JAKMIP2: variants seen among roughly 807,000 people sequenced by gnomAD.
JAKMIP2 encodes the protein janus kinase and microtubule interacting protein 2.
A neutral mutation model predicts 115.0 loss-of-function variants in JAKMIP2; 25 were observed. The observed-to-expected ratio is 0.22, with a 90% CI of 0.16 to 0.30. JAKMIP2 has a LOEUF of 0.30. Ranked by LOEUF, JAKMIP2 falls within the 10% of genes least tolerant of loss-of-function variation. JAKMIP2 has a pLI of 1.00. For missense variants in JAKMIP2, 642 were observed against 957.6 expected, an observed-to-expected ratio of 0.67 and a Z score of 4.35; for synonymous variants, 334 against 343.6, an observed-to-expected ratio of 0.97 and a Z score of 0.31.
intron 1 of JAKMIP2, among the ~76,000 whole-genome samples, chr5:147,769,614 A>G (rs1254722794): frequency 6.6e-6 from 1 of 152,138 alleles, no homozygotes; most frequent in African/African-American, 2.4e-5. Flanking sequence ...TAGTTTTTAA[A>G]GAAATTAGGT....
intron 1 of JAKMIP2, among the ~76,000 whole-genome samples, chr5:147,781,389 C>T (rs1318732085): frequency 1.3e-5 from 2 of 152,156 alleles, no homozygotes; most frequent in East Asian, 3.9e-4. Flanking sequence ...AGCTGTGCTT[C>T]CTGGGACACA....
chr5:147,702,591 A>AGAAG (rs1752387689), intron 1 of JAKMIP2, among the ~76,000 whole-genome samples: 4 of 113,926 alleles, frequency 3.5e-5, no homozygotes, highest in Admixed American at 1.9e-4. Context: ...AAAGAAAGAA[A>AGAAG]GAAAGAAAGA....
chr5:147,616,789 C>T (rs1386270941), intron 19 of JAKMIP2, among the ~76,000 whole-genome samples: 5 of 152,124 alleles, frequency 3.3e-5, no homozygotes, highest in Non-Finnish European at 7.4e-5. Flanking sequence ...GGACACGTGG[C>T]TTCAGAATTC....
At position 147,669,636 on chromosome 5, in the gene JAKMIP2, A is replaced by C. The variant is rs575331298; in HGVS notation, c.129+2042T>G. Among the ~76,000 whole-genome samples, 10 of 152,294 alleles carry C rather than the reference A, an allele frequency of 6.6e-5. No homozygotes were observed. The South Asian group carries it at 1.2e-3, about 19-fold the overall frequency. On this transcript the variant is annotated intron_variant, in intron 2 of 21. Coordinates refer to ENST00000616793, the MANE Select transcript of JAKMIP2 (RefSeq NM_001270941.2). ...GACAAGCTTCTTCCTAGGAATGTAG[A>C]TTGTCATCCTGTCATAACTGCAATT...
chr5:147,738,925 G>A (rs568280479), intron 1 of JAKMIP2, among the ~76,000 whole-genome samples: 1 of 152,268 alleles, frequency 6.6e-6, no homozygotes, highest in East Asian at 1.9e-4. Context: ...AATGTTTTGA[G>A]AATCAGTTTC....
At chr5:147,603,257 T>C (rs1376957562) in intron 20 of JAKMIP2, among the ~76,000 whole-genome samples, 1 of 152,220 alleles carries the variant, frequency 6.6e-6, no homozygotes, top group Non-Finnish European at 1.5e-5. Context: ...GCCATTGTTT[T>C]ATTATTTGTA....
chr5:147,612,350 T>C lies in JAKMIP2; in HGVS notation c.2368A>G (p.Lys790Glu). 6.4e-7 allele frequency: 1 copy of C among 1,568,816 alleles called. No individual in the cohort carries two copies. Among genetic ancestry groups the C allele is most frequent in the Non-Finnish European group, 8.7e-7 (1 of 1,143,958 alleles). ...AHQRIRDLED[K>E]TDIQKRQIKD... ...ATTTGTCTTTTCTGGATGTCTGTTT[T>C]ATCTTCTAAGTCACGAATTCTCTGA... is the stretch of plus-strand genomic sequence containing the variant. Residue 790 changes from lysine to glutamate, a missense_variant, in exon 20 of 22, where the codon AAA (lysine) becomes GAA (glutamate). By Grantham distance (56) the Lys-to-Glu change is moderately conservative. This residue lies in a region of JAKMIP2 where 26 missense variants were observed against 50.5 expected (regional missense o/e 0.51). Coordinates refer to ENST00000616793, the MANE Select transcript of JAKMIP2 (RefSeq NM_001270941.2).
At chr5:147,644,540 A>T (rs1758034572) in intron 6 of JAKMIP2, among the ~76,000 whole-genome samples, 1 of 152,212 alleles carries the variant, frequency 6.6e-6, no homozygotes, top group African/African-American at 2.4e-5. Context: ...AGGTCTGTAA[A>T]TAGCATGTTA....
intron 2 of JAKMIP2, among the ~76,000 whole-genome samples, chr5:147,662,709 G>A (rs1367977060): frequency 6.6e-6 from 1 of 152,122 alleles, no homozygotes; most frequent in Non-Finnish European, 1.5e-5. Flanking sequence ...AGGGGGCCGG[G>A]TGCAGTGCCT....
chr5:147,631,102 T>C (rs1222015180), intron 14 of JAKMIP2, among the ~76,000 whole-genome samples: 1 of 152,192 alleles, frequency 6.6e-6, no homozygotes, highest in East Asian at 1.9e-4. Flanking sequence ...TTTCTTGAAG[T>C]ATTAAATCGA....
intron 20 of JAKMIP2, among the ~76,000 whole-genome samples, chr5:147,611,029 T>A (rs774596981): frequency 3.3e-5 from 5 of 151,826 alleles, no homozygotes; most frequent in African/African-American, 4.8e-5. Flanking sequence ...AGAATGCCCC[T>A]CCCCCCACCA....
chr5:147,706,846 T>G (rs1752578122), intron 1 of JAKMIP2, among the ~76,000 whole-genome samples: 1 of 152,146 alleles, frequency 6.6e-6, no homozygotes, highest in Non-Finnish European at 1.5e-5. Context: ...GCATTTCAAG[T>G]AAGGGATATT....
At chr5:147,743,918 T>C (rs1234150332) in intron 1 of JAKMIP2, among the ~76,000 whole-genome samples, 1 of 152,076 alleles carries the variant, frequency 6.6e-6, no homozygotes, top group Non-Finnish European at 1.5e-5. Context: ...AACCCTCCCC[T>C]GCAGCACTCA....
intron 1 of JAKMIP2, among the ~76,000 whole-genome samples, chr5:147,704,110 C>T (rs992963192): frequency 6.6e-6 from 1 of 152,046 alleles, no homozygotes; most frequent in Non-Finnish European, 1.5e-5. Flanking sequence ...TTTGGAACAC[C>T]TCCTGAGGCT....
intron 1 of JAKMIP2, among the ~76,000 whole-genome samples, chr5:147,723,743 A>G (rs959589185): frequency 6.6e-6 from 1 of 152,194 alleles, no homozygotes; most frequent in Non-Finnish European, 1.5e-5. Flanking sequence ...CATTACAGGA[A>G]AGAAAGCCAC....
At chr5:147,642,649 A>C (rs1279916330) in intron 7 of JAKMIP2, among the ~76,000 whole-genome samples, 1 of 151,674 alleles carries the variant, frequency 6.6e-6, no homozygotes, top group Non-Finnish European at 1.5e-5. Flanking sequence ...TGTTTAAGCC[A>C]GTGGTGTTCG....
chr5:147,755,527 T>C (rs949216319), intron 1 of JAKMIP2, among the ~76,000 whole-genome samples: 3 of 152,192 alleles, frequency 2.0e-5, no homozygotes, highest in Non-Finnish European at 4.4e-5. Context: ...ACACCCACAA[T>C]AGTGATACAC....
At chr5:147,692,644 A>G (rs2126863977) in intron 1 of JAKMIP2, among the ~76,000 whole-genome samples, 1 of 152,348 alleles carries the variant, frequency 6.6e-6, no homozygotes, top group East Asian at 1.9e-4. Flanking sequence ...TAAAAACAGT[A>G]TGATAAACAT....
chr5:147,631,653 T>C (rs916573838), intron 13 of JAKMIP2, 142 bp from the exon 14 acceptor site: 13 of 551,262 alleles, frequency 2.4e-5, no homozygotes, highest in South Asian at 5.5e-5. Flanking sequence ...AAGATGTTCA[T>C]GATTAAATGT....
Sources: gnomAD v4.1 joint callset for allele counts (sites outside exome capture counted in the v4.1 genomes callset) on GRCh38, gnomAD v4.1.1 for gene constraint, gnomAD v4.1.1 regional missense constraint, MANE v1.5 for transcripts, NCBI Gene and HGNC (gene_info 2026-07-23, HGNC 2026-07-21) for gene names.